MTMR2: variants seen among roughly 807,000 people sequenced by gnomAD.
MTMR2 encodes phosphatidylinositol-3,5-bisphosphate 3-phosphatase MTMR2.
MTMR2 carries 55 observed loss-of-function variants against 86.9 expected under a neutral mutation model. The observed-to-expected ratio is 0.63, with a 90% CI of 0.51 to 0.79. The LOEUF (loss-of-function observed/expected upper bound fraction) is 0.79. MTMR2 is among the 30% of genes least tolerant of loss of function. The probability of loss-of-function intolerance (pLI) is 0.00; values close to 1 mark genes in which losing one functional copy is unlikely to be tolerated. For missense variants in MTMR2, 659 were observed against 772.3 expected (o/e 0.85, Z 1.74); for synonymous variants, 241 against 266.8 (o/e 0.90, Z 0.94).
At chr11:95,837,165 T>C (rs1360110815) in intron 13 of MTMR2, among the ~76,000 whole-genome samples, 1 of 152,020 alleles carries the variant, frequency 6.6e-6, no homozygotes, top group African/African-American at 2.4e-5. Context: ...ACTGAAGACA[T>C]AAGGTGAATT....
intron 1 of MTMR2, among the ~76,000 whole-genome samples, chr11:95,897,411 GAC>G (rs1405822257): frequency 6.6e-6 from 1 of 151,884 alleles, no homozygotes; most frequent in Non-Finnish European, 1.5e-5. Flanking sequence ...TAAATATAAA[GAC>G]ACAAAGACTA....
chr11:95,871,147 T>C (rs532821884), intron 2 of MTMR2, among the ~76,000 whole-genome samples: 4 of 152,318 alleles, frequency 2.6e-5, no homozygotes, highest in East Asian at 1.9e-4. Flanking sequence ...TGTTGGACAT[T>C]TGGGTTGGTT....
chr11:95,900,069 T>C (rs1315331450), intron 1 of MTMR2, among the ~76,000 whole-genome samples: 2 of 152,054 alleles, frequency 1.3e-5, no homozygotes, highest in Non-Finnish European at 2.9e-5. Flanking sequence ...AGCAGTAAGA[T>C]CACTGAATAG....
intron 7 of MTMR2, among the ~76,000 whole-genome samples, chr11:95,854,026 A>T (rs1864119065): frequency 6.6e-6 from 1 of 152,094 alleles, no homozygotes. Context: ...TCTCATGGGG[A>T]ATGTCACATT....
At chr11:95,905,289 G>A (rs917553348) in intron 1 of MTMR2, among the ~76,000 whole-genome samples, 8 of 150,350 alleles carry the variant, frequency 5.3e-5, no homozygotes, top group Non-Finnish European at 7.4e-5. Context: ...TGAAAATACC[G>A]TCTAAAGTGT....
At chr11:95,907,871 G>A (rs1455154129) in intron 1 of MTMR2, 1 of 445,494 alleles carries the variant, frequency 2.2e-6, no homozygotes, top group Non-Finnish European at 4.5e-6. Flanking sequence ...CCTCAAAATA[G>A]TGAGAGCTAC....
chr11:95,915,471 T>G (rs563683144), intron 1 of MTMR2, among the ~76,000 whole-genome samples: 1 of 152,132 alleles, frequency 6.6e-6, no homozygotes, highest in Non-Finnish European at 1.5e-5. Flanking sequence ...AATTATAAAC[T>G]CCTTATGTTT....
rs1555064755 is a variant in MTMR2, at chr11:95,861,402, G to GTTGTTATTA, written c.468+589_468+590insTAATAACAA. ...ATCAGTACTATGTGCATTAAAGATG[G>GTTGTTATTA]TTATTATTATTATTATTATTATTAT... is the stretch of plus-strand genomic sequence containing the variant. On this transcript the variant is annotated intron_variant, in intron 5 of 14. Transcript: ENST00000346299. Among the ~76,000 whole-genome samples, 799 of 140,964 alleles carry GTTGTTATTA rather than the reference G, an allele frequency of 5.7e-3. 11 individuals are homozygous for GTTGTTATTA. Among genetic ancestry groups the GTTGTTATTA allele is most frequent in the African/African-American group, 0.014 (522 of 38,136 alleles). 92.5% of individuals were successfully genotyped at this position (140,964 alleles called of 152,430 possible). A position where few individuals can be genotyped will look rare whatever the true frequency, so the allele number is the denominator to read the frequency against.
intron 2 of MTMR2, among the ~76,000 whole-genome samples, chr11:95,874,636 TATG>T (rs1341036553): frequency 6.6e-6 from 1 of 152,192 alleles, no homozygotes; most frequent in Non-Finnish European, 1.5e-5. Context: ...ATCCTGTCAT[TATG>T]ATGTTAGCTG....
At chr11:95,851,064 T>A (rs1164999628) in intron 7 of MTMR2, among the ~76,000 whole-genome samples, 1 of 140,118 alleles carries the variant, frequency 7.1e-6, no homozygotes, top group Non-Finnish European at 1.5e-5. Context: ...CCTTTTTTTT[T>A]TTTTTTTTTT....
chr11:95,853,877 C>G (rs1160807393), intron 7 of MTMR2, among the ~76,000 whole-genome samples: 1 of 152,070 alleles, frequency 6.6e-6, no homozygotes, highest in Non-Finnish European at 1.5e-5. Flanking sequence ...AACATGGAGT[C>G]AGAGCTAAAG....
intron 1 of MTMR2, chr11:95,907,747 G>C (rs538105286): frequency 7.2e-6 from 2 of 278,182 alleles, no homozygotes; most frequent in South Asian, 6.5e-5. Context: ...TACATAAACA[G>C]ACTGAAAATA....
rs568566329 is a variant in MTMR2 at position 95,857,461 on chromosome 11, A to G, written c.654+91T>C. ...ATGTGGTGAATTACTGTGGTATGAG[A>G]TATGCTGGTTTTCGTACATGGTTCC... On this transcript the variant is annotated intron_variant, in intron 7 of 14. Coordinates refer to ENST00000346299, the MANE Select transcript of MTMR2 (RefSeq NM_016156.6). The G allele has an allele frequency of 2.2e-5, 18 of 821,668 alleles. No homozygotes were observed. The South Asian group carries it at 2.3e-4, about 10-fold the overall frequency. The allele number at this position is 821,668 out of a possible 1,614,324, so 50.9% of individuals were successfully genotyped here.
chr11:95,888,044 A>T (rs1168201799), intron 2 of MTMR2, 112 bp downstream of exon 2: 1 of 805,006 alleles, frequency 1.2e-6, no homozygotes, highest in Non-Finnish European at 2.0e-6. Flanking sequence ...GTAGACCGGG[A>T]TCTATGAGAA....
Position 95,861,986 on chromosome 11 carries a change from A to AT in MTMR2, c.468+5dup, listed in dbSNP as rs754129960. ...AAGAAAATCACATACATATTATAAC[A>AT]TTTACCTTACACACAGTTTCTAGTC... On this transcript the variant is annotated splice_donor_region_variant and intron_variant, in intron 5 of 14. Coordinates refer to ENST00000346299, the MANE Select transcript of MTMR2 (RefSeq NM_016156.6). 1 of 1,594,330 alleles carries AT rather than the reference A, an allele frequency of 6.3e-7. No individual in the cohort carries two copies. The highest frequency in any genetic ancestry group is 1.1e-5 in the South Asian group (1 of 90,648).
At chr11:95,861,573 G>A (rs373015893) in intron 5 of MTMR2, among the ~76,000 whole-genome samples, 10 of 151,834 alleles carry the variant, frequency 6.6e-5, no homozygotes, top group South Asian at 4.2e-4. Context: ...ACAGGTGCCC[G>A]CCACCACGCC....
chr11:95,836,427 G>T, intron 13 of MTMR2, 103 bp from the exon 14 acceptor site: 1 of 1,132,278 alleles, frequency 8.8e-7, no homozygotes, highest in South Asian at 1.3e-5. Context: ...AATCTCTTTA[G>T]AGGAAGTGGA....
chr11:95,903,299 A>G (rs1347505403), intron 1 of MTMR2, among the ~76,000 whole-genome samples: 1 of 152,150 alleles, frequency 6.6e-6, no homozygotes, highest in Non-Finnish European at 1.5e-5. Context: ...ACTACACTCC[A>G]GAGTACCTAT....
chr11:95,895,307 G>C (rs566280575), intron 1 of MTMR2, among the ~76,000 whole-genome samples: 1 of 152,084 alleles, frequency 6.6e-6, no homozygotes, highest in South Asian at 2.1e-4. Context: ...TGCTAATGAA[G>C]GAAACAGAAG....
Sources: gnomAD v4.1 joint callset for allele counts (sites outside exome capture counted in the v4.1 genomes callset) on GRCh38, gnomAD v4.1.1 for gene constraint, MANE v1.5 for transcripts, NCBI Gene and HGNC (gene_info 2026-07-23, HGNC 2026-07-21) for gene names.